Variants in RNPC3 observed in about 807,000 individuals in gnomAD.
The protein encoded by RNPC3 is RNA-binding region-containing protein 3.
In RNPC3, 48 loss-of-function variants were observed where a neutral mutation model predicts 67.5. That is an observed-to-expected ratio of 0.71 (90% CI 0.56 to 0.90). The LOEUF (loss-of-function observed/expected upper bound fraction) is 0.90. Among genes scored for constraint, RNPC3 ranks in the 40% least tolerant of loss-of-function variants. The pLI, the probability that RNPC3 is intolerant of heterozygous loss-of-function variation, is 0.00. For missense variants in RNPC3, 637 were observed against 626.1 expected (o/e 1.02, Z -0.19); for synonymous variants, 239 against 210.3 (o/e 1.14, Z -1.18).
At position 103,551,809 on chromosome 1, in the gene RNPC3, CATA is replaced by C. The variant is rs1570628644; in HGVS notation, c.*12+22_*12+24del. 1 of 1,221,910 alleles carries C rather than the reference CATA, an allele frequency of 8.2e-7. No individual in the cohort carries two copies. The highest frequency in any genetic ancestry group is 1.1e-6 in the Non-Finnish European group (1 of 887,894). 75.7% of individuals were successfully genotyped at this position (1,221,910 alleles called of 1,614,324 possible). A position where few individuals can be genotyped will look rare whatever the true frequency, so the allele number is the denominator to read the frequency against. On this transcript the variant is annotated intron_variant, in intron 14 of 14. Transcript: ENST00000423855. ...TTAATAAAGGTAAGTGTGAATAAAA[CATA>C]ATAAAAAGACAAGACTAATTCTTGA...
intron 9 of RNPC3, among the ~76,000 whole-genome samples, chr1:103,544,306 A>G (rs1337769642): frequency 6.6e-6 from 1 of 151,816 alleles, no homozygotes; most frequent in Non-Finnish European, 1.5e-5. Context: ...ACTTGTTGAA[A>G]GTTTGTTATC....
intron 7 of RNPC3, among the ~76,000 whole-genome samples, chr1:103,538,997 G>C (rs1478815852): frequency 6.6e-6 from 1 of 152,188 alleles, no homozygotes; most frequent in Non-Finnish European, 1.5e-5. Context: ...TGTGGTCTCT[G>C]TTGTGGCTAC....
chr1:103,537,463 C>G lies in RNPC3; in HGVS notation c.746C>G (p.Thr249Ser). 1 of 1,536,388 alleles carries G rather than the reference C, an allele frequency of 6.5e-7. No homozygotes were observed. Among genetic ancestry groups the G allele is most frequent in the Non-Finnish European group, 8.7e-7 (1 of 1,146,572 alleles). Residue 249 changes from threonine to serine, a missense_variant, in exon 7 of 15, where the codon ACT becomes AGT. Around this residue, in one of 3 missense-constraint regions of RNPC3, gnomAD observed 536 missense variants for 500.3 expected, o/e 1.07. Coordinates refer to ENST00000423855, the MANE Select transcript of RNPC3 (RefSeq NM_017619.4). ...AGTGAAGAATCAGAATATGAAAGCA[C>G]TGATGATGAGGACCGACAGAGGTTT... Reference protein sequence around the residue: ...LSSEESEYESTDDEDRQRMNK... With the variant: ...LSSEESEYESSDDEDRQRMNK...
chr1:103,539,971 GC>G (rs1651085553), intron 7 of RNPC3, among the ~76,000 whole-genome samples: 1 of 152,018 alleles, frequency 6.6e-6, no homozygotes, highest in South Asian at 2.1e-4. Context: ...CAAGCAATCT[GC>G]CCGCATCAGT....
Position 103,546,973 on chromosome 1 carries a change from C to T in RNPC3, c.1303-4C>T. 1 of 1,422,692 alleles carries T rather than the reference C, an allele frequency of 7.0e-7. No homozygotes were observed. The highest frequency in any genetic ancestry group is 9.5e-7 in the Non-Finnish European group (1 of 1,055,194). The allele number at this position is 1,422,692 out of a possible 1,614,324, so 88.1% of individuals were successfully genotyped here. On this transcript the variant is annotated splice_polypyrimidine_tract_variant and splice_region_variant and intron_variant, in intron 11 of 14. Transcript: ENST00000423855. The stretch of plus-strand genomic sequence containing the variant: ...TATTTGTCTTTTTCTTATTGAAATT[C>T]TAGGACCTTAAATATATTTTTGGAA...
intron 4 of RNPC3, 100 bp from the exon 5 acceptor site, chr1:103,535,230 G>GT: frequency 1.4e-6 from 1 of 707,202 alleles, no homozygotes; most frequent in Non-Finnish European, 2.4e-6. Context: ...TAATAGTACT[G>GT]TATCATTTGA....
chr1:103,535,437 T>C lies in RNPC3; in HGVS notation c.551T>C (p.Val184Ala). The C allele has an allele frequency of 6.6e-7, 1 of 1,522,858 alleles. No individual in the cohort carries two copies. The highest frequency in any genetic ancestry group is 8.8e-7 in the Non-Finnish European group (1 of 1,134,446). 94.3% of individuals were successfully genotyped at this position (1,522,858 alleles called of 1,614,324 possible). The change falls in exon 5 of 15, where the codon GTA (valine) becomes GCA (alanine). Residue 184 changes from valine to alanine, a missense_variant. Physicochemically the swap from Val to Ala is moderately conservative, Grantham distance 64. Coordinates refer to ENST00000423855, the MANE Select transcript of RNPC3 (RefSeq NM_017619.4). ...NALASVPKFY[V>A]QVLHLMNKMN... ...TTGGCAAGCGTGCCTAAGTTCTATG[T>C]ACAGGTAAGTAGAATAAAACTTTTC...
intron 5 of RNPC3, 124 bp downstream of exon 5, chr1:103,535,565 G>A: frequency 1.8e-6 from 1 of 571,232 alleles, no homozygotes; most frequent in Non-Finnish European, 3.0e-6. Flanking sequence ...TATTTTAAAT[G>A]TAATTAAATA....
intron 14 of RNPC3, chr1:103,554,218 G>A (rs1466357635): frequency 2.0e-5 from 3 of 152,230 alleles, no homozygotes; most frequent in Non-Finnish European, 2.9e-5. Context: ...GCCAAGTGTG[G>A]TGGCTTGCAC....
intron 2 of RNPC3, among the ~76,000 whole-genome samples, chr1:103,529,434 A>G (rs902344866): frequency 6.6e-6 from 1 of 152,192 alleles, no homozygotes. Flanking sequence ...GTTAACGGCA[A>G]TATTGATAGG....
chr1:103,533,913 TTA>T, intron 3 of RNPC3, 56 bp downstream of exon 3: 1 of 920,256 alleles, frequency 1.1e-6, no homozygotes, highest in Non-Finnish European at 1.7e-6. Flanking sequence ...GTGTGTTTTT[TTA>T]AATCAGTTAT....
chr1:103,526,327 G>C, intron 1 of RNPC3, 65 bp downstream of exon 1: 2 of 1,358,298 alleles, frequency 1.5e-6, no homozygotes, highest in Non-Finnish European at 2.0e-6. Flanking sequence ...GAGGGGGAGC[G>C]CTGACAAGAG....
chr1:103,551,885 C>CTTTT, intron 14 of RNPC3, 93 bp downstream of exon 14: 1 of 473,852 alleles, frequency 2.1e-6, no homozygotes. Flanking sequence ...TCAGGTATCT[C>CTTTT]TTTTTTTTTT....
intron 7 of RNPC3, among the ~76,000 whole-genome samples, chr1:103,538,899 A>G (rs1306400030): frequency 6.6e-6 from 1 of 152,228 alleles, no homozygotes; most frequent in Non-Finnish European, 1.5e-5. Flanking sequence ...ATGGTCATGT[A>G]TATAATCCAC....
intron 14 of RNPC3, chr1:103,552,429 G>A (rs1375195847): frequency 1.4e-5 from 1 of 70,522 alleles, no homozygotes. Flanking sequence ...TAAAGTAAAT[G>A]TTAAAATAAA....
intron 8 of RNPC3, among the ~76,000 whole-genome samples, chr1:103,542,282 G>A (rs1261445062): frequency 6.6e-6 from 1 of 151,930 alleles, no homozygotes; most frequent in African/African-American, 2.4e-5. Flanking sequence ...CTTTAAGGAG[G>A]GGAGACAAAA....
chr1:103,543,955 A>G (rs1289117714), intron 9 of RNPC3, among the ~76,000 whole-genome samples: 1 of 151,778 alleles, frequency 6.6e-6, no homozygotes, highest in African/African-American at 2.4e-5. Context: ...GATTTTTTTT[A>G]CTTGTTTTAA....
chr1:103,551,360 T>C (rs949620543), intron 13 of RNPC3: 4 of 377,714 alleles, frequency 1.1e-5, no homozygotes, highest in African/African-American at 8.4e-5. Flanking sequence ...TATCCAGAAG[T>C]ACATTTGGAG....
Position 103,533,844 on chromosome 1 carries a change from GAAAA to G in RNPC3, c.355_358del (p.Lys119GlyfsTer18). On this transcript the variant is annotated frameshift_variant, in exon 3 of 15. Coordinates refer to ENST00000423855, the MANE Select transcript of RNPC3 (RefSeq NM_017619.4). LOFTEE classifies it high-confidence loss of function. Reference sequence around the variant, plus strand: ...CTCCCCATGTCCCACTTCAGGCTCTGAAAAAAAAAAAAGGTATGTAGATCAGTAA... The same window carrying G: ...CTCCCCATGTCCCACTTCAGGCTCTGAAAAAAAAGGTATGTAGATCAGTAA... 1 of 1,124,922 alleles carries G rather than the reference GAAAA, an allele frequency of 8.9e-7. No homozygotes were observed. The highest frequency in any genetic ancestry group is 2.7e-5 in the Admixed American group (1 of 36,650). 69.7% of individuals were successfully genotyped at this position (1,124,922 alleles called of 1,614,324 possible).
Sources: allele counts gnomAD v4.1 joint callset (sites outside exome capture counted in the v4.1 genomes callset), GRCh38; gene constraint gnomAD v4.1.1; regional missense constraint gnomAD v4.1.1; transcripts MANE v1.5; gene names NCBI Gene and HGNC (gene_info 2026-07-23, HGNC 2026-07-21).